NEMP2: variants seen among roughly 807,000 people sequenced by gnomAD.
The protein encoded by NEMP2 is nuclear envelope integral membrane protein 2, also known as UPF0571 transmembrane protein.
Under a neutral mutation model 54.2 loss-of-function variants are expected in NEMP2, and 53 were observed. That is an observed-to-expected ratio of 0.98 (90% CI 0.78 to 1.23). The LOEUF is 1.23. NEMP2 is among the 50% of genes most tolerant of loss of function. NEMP2 has a pLI of 0.00. For synonymous variants in NEMP2, 197 were observed against 190.3 expected (o/e 1.04, Z -0.29); for missense variants, 455 against 511.3 (o/e 0.89, Z 1.06).
the NEMP2 span, among the ~76,000 whole-genome samples, chr2:190,571,139 T>C: frequency 2.0e-5 from 3 of 152,336 alleles, no homozygotes; most frequent in African/African-American, 7.2e-5. Flanking sequence ...ATGGAGATAA[T>C]AGTAATTGTA....
chr2:190,632,065 A>G, the NEMP2 span, among the ~76,000 whole-genome samples: 1 of 152,294 alleles, frequency 6.6e-6, no homozygotes, highest in East Asian at 1.9e-4. The surrounding 1 kb of genome is among the most constrained non-coding windows in gnomAD (Gnocchi z 4.8). Context: ...TCAAAAAAAG[A>G]AAAAAGAAAA....
chr2:190,476,719 A>G, the NEMP2 span, among the ~76,000 whole-genome samples: 3 of 152,146 alleles, frequency 2.0e-5, no homozygotes, highest in South Asian at 2.1e-4. Context: ...TACCCAAAGG[A>G]TTATAAATCA....
the NEMP2 span, among the ~76,000 whole-genome samples, chr2:190,631,772 T>C: frequency 6.6e-6 from 1 of 152,230 alleles, no homozygotes; most frequent in Non-Finnish European, 1.5e-5. Context: ...AAAGATACCA[T>C]GGGCTGGGCA....
At chr2:190,454,836 A>C in the NEMP2 span, among the ~76,000 whole-genome samples, 1 of 152,164 alleles carries the variant, frequency 6.6e-6, no homozygotes, top group Non-Finnish European at 1.5e-5. The surrounding 1 kb of genome is among the most constrained non-coding windows in gnomAD (Gnocchi z 4.6). Context: ...ACACTAGAAT[A>C]GGGACCTATG....
At chr2:190,598,993 T>G in the NEMP2 span, among the ~76,000 whole-genome samples, 3 of 152,312 alleles carry the variant, frequency 2.0e-5, no homozygotes, top group Non-Finnish European at 4.4e-5. Context: ...CTAGGCCCCT[T>G]TTTCTCAATT....
At chr2:190,574,706 TTTTC>T in the NEMP2 span, among the ~76,000 whole-genome samples, 5 of 151,942 alleles carry the variant, frequency 3.3e-5, no homozygotes, top group South Asian at 2.1e-4. Flanking sequence ...TTTCTTTCTT[TTTTC>T]TTTCTCTTTC....
At chr2:190,598,411 T>C in the NEMP2 span, among the ~76,000 whole-genome samples, 1 of 152,242 alleles carries the variant, frequency 6.6e-6, no homozygotes, top group African/African-American at 2.4e-5. Context: ...CAAGCCAATA[T>C]TACAAATATT....
At chr2:190,570,290 AT>A in the NEMP2 span, among the ~76,000 whole-genome samples, 1 of 152,244 alleles carries the variant, frequency 6.6e-6, no homozygotes, top group Non-Finnish European at 1.5e-5. This position sits in a 1 kb window ranked among gnomAD's most constrained non-coding sequence, Gnocchi z 5.4. Context: ...ATGTTTCCAA[AT>A]CTGAGTGGAA....
the NEMP2 span, among the ~76,000 whole-genome samples, chr2:190,429,333 T>C: frequency 2.0e-5 from 3 of 151,510 alleles, no homozygotes; most frequent in Non-Finnish European, 4.4e-5. Context: ...AGAAATTCTT[T>C]TTTTTTTTTT....
rs1690795034 is a variant in NEMP2 at position 190,522,740 on chromosome 2, T to A, written c.213+2523A>T. Among the ~76,000 whole-genome samples the A allele has an allele frequency of 6.6e-6, 1 of 152,212 alleles. No individual in the cohort carries two copies. Among genetic ancestry groups the A allele is most frequent in the South Asian group, 2.1e-4 (1 of 4,834 alleles). ...CTACCTGGAGGCTTCATCTCCATGA[T>A]AAAACTTTGGTCTCCGCAATTACTT... On this transcript the variant is annotated intron_variant, in intron 2 of 8. Transcript: ENST00000409150. The surrounding 1 kb of genome is among the most constrained non-coding windows in gnomAD (Gnocchi z 5.0).
chr2:190,631,284 T>C, the NEMP2 span, among the ~76,000 whole-genome samples: 3 of 152,196 alleles, frequency 2.0e-5, no homozygotes, highest in Non-Finnish European at 4.4e-5. Context: ...AGCTTCACTT[T>C]GCTGGTTGTG....
Position 190,514,554 on chromosome 2 carries a change from A to G in NEMP2, c.852T>C (p.Tyr284=). 6.4e-7 allele frequency: 1 copy of G among 1,551,774 alleles called. No individual in the cohort carries two copies. The highest frequency in any genetic ancestry group is 8.7e-7 in the Non-Finnish European group (1 of 1,146,996). Residue 284 remains tyrosine, a synonymous_variant, in exon 7 of 9, where the codon TAT becomes TAC. Coordinates refer to ENST00000409150, the MANE Select transcript of NEMP2 (RefSeq NM_001142645.2). This position sits in a 1 kb window ranked among gnomAD's most constrained non-coding sequence, Gnocchi z 5.7. ...MLRLLSLVLV[Y]AGVAVPQFAY... ...CAAACTGAGGCACGGCCACACCAGC[A>G]TAGACCAGAACCAGGGAGAGGAGTC...
the NEMP2 span, among the ~76,000 whole-genome samples, chr2:190,560,896 A>G: frequency 2.0e-5 from 3 of 152,236 alleles, no homozygotes; most frequent in Non-Finnish European, 4.4e-5. This position sits in a 1 kb window ranked among gnomAD's most constrained non-coding sequence, Gnocchi z 5.4. Flanking sequence ...TTACTTTTAA[A>G]TATCAAAATA....
At chr2:190,606,736 C>T in the NEMP2 span, among the ~76,000 whole-genome samples, 1 of 151,976 alleles carries the variant, frequency 6.6e-6, no homozygotes, top group Non-Finnish European at 1.5e-5. Flanking sequence ...AAAGAAAATT[C>T]AACAAGAAAC....
chr2:190,422,861 GTCTCATTTTT>G, the NEMP2 span, among the ~76,000 whole-genome samples: 1 of 151,574 alleles, frequency 6.6e-6, no homozygotes, highest in Non-Finnish European at 1.5e-5. Context: ...TGCTATATCT[GTCTCATTTTT>G]TCTCTCCTAC....
chr2:190,552,988 A>C, the NEMP2 span, among the ~76,000 whole-genome samples: 2 of 152,306 alleles, frequency 1.3e-5, no homozygotes, highest in South Asian at 4.1e-4. Flanking sequence ...TGGAAACCAA[A>C]TTTACACAAA....
the NEMP2 span, among the ~76,000 whole-genome samples, chr2:190,426,715 A>G: frequency 4.1e-4 from 62 of 152,048 alleles, 1 homozygote; most frequent in African/African-American, 1.3e-3. This position sits in a 1 kb window ranked among gnomAD's most constrained non-coding sequence, Gnocchi z 4.7. Context: ...TGTCATCTCA[A>G]TGTTGGCATC....
At chr2:190,564,047 A>C in the NEMP2 span, among the ~76,000 whole-genome samples, 2 of 152,258 alleles carry the variant, frequency 1.3e-5, no homozygotes, top group Non-Finnish European at 1.5e-5. This position sits in a 1 kb window ranked among gnomAD's most constrained non-coding sequence, Gnocchi z 4.2. Flanking sequence ...GAGTATGAAG[A>C]ATTAGAAAGA....
the NEMP2 span, among the ~76,000 whole-genome samples, chr2:190,614,155 C>G: frequency 2.7e-4 from 41 of 152,274 alleles, no homozygotes; most frequent in Admixed American, 2.0e-3. The surrounding 1 kb of genome is among the most constrained non-coding windows in gnomAD (Gnocchi z 5.7). Flanking sequence ...TTTTCCCTAT[C>G]TTTTAACTGG....
Sources: allele counts gnomAD v4.1 joint callset (sites outside exome capture counted in the v4.1 genomes callset), GRCh38; gene constraint gnomAD v4.1.1; non-coding constraint Gnocchi (gnomAD v3.1); transcripts MANE v1.5; gene names NCBI Gene and HGNC (gene_info 2026-07-23, HGNC 2026-07-21).